CACNA1E: variants seen among roughly 807,000 people sequenced by gnomAD.
CACNA1E encodes the protein calcium voltage-gated channel subunit alpha1 E.
CACNA1E carries 40 observed loss-of-function variants against 259.2 expected under a neutral mutation model. The ratio of observed to expected loss-of-function variants is 0.15; its 90% CI spans 0.12 to 0.20. CACNA1E has a LOEUF of 0.20. Among genes scored for constraint, CACNA1E ranks in the 10% least tolerant of loss-of-function variants. The probability of loss-of-function intolerance (pLI) is 1.00; values close to 1 mark genes in which losing one functional copy is unlikely to be tolerated. For missense variants in CACNA1E, 1,874 were observed against 3,040.1 expected, an observed-to-expected ratio of 0.62 and a Z score of 9.02; for synonymous variants, 1,104 against 1,138.5, an observed-to-expected ratio of 0.97 and a Z score of 0.61.
intron 3 of CACNA1E, among the ~76,000 whole-genome samples, chr1:181,525,044 A>G (rs1667255127): frequency 6.6e-6 from 1 of 152,272 alleles, no homozygotes; most frequent in Admixed American, 6.5e-5. Context: ...GGCTAGAAAG[A>G]TAAATAATAA....
chr1:181,392,409 A>G (rs1656365758), intron 1 of CACNA1E, among the ~76,000 whole-genome samples: 1 of 152,158 alleles, frequency 6.6e-6, no homozygotes, highest in African/African-American at 2.4e-5. Flanking sequence ...CAGAGCTCCT[A>G]AAAGGGTTAA....
In CACNA1E at chr1:181,785,776, G is replaced by T; in HGVS notation, c.5743G>T (p.Ala1915Ser). Residue 1915 changes from alanine to serine, a missense_variant, in exon 43 of 48, where the codon GCC (alanine) becomes TCC (serine). Around this residue, in one of 14 missense-constraint regions of CACNA1E, gnomAD observed 542 missense variants for 587.2 expected, o/e 0.92. Coordinates refer to ENST00000367573, the MANE Select transcript of CACNA1E (RefSeq NM_001205293.3). ...SSLPQEIIAN[A>S]KALPYLQQDP... is the part of the protein sequence containing the mutation. ...TCTGCCTCAGGAGATCATTGCTAAT[G>T]CCAAAGCCCTGCCTTACCTCCAGCA... The T allele has an allele frequency of 6.2e-7, 1 of 1,612,802 alleles. No homozygotes were observed. The highest frequency in any genetic ancestry group is 8.5e-7 in the Non-Finnish European group (1 of 1,179,578).
chr1:181,526,781 A>G (rs1667394265), intron 3 of CACNA1E, among the ~76,000 whole-genome samples: 1 of 152,166 alleles, frequency 6.6e-6, no homozygotes, highest in African/African-American at 2.4e-5. Context: ...CTCATCCTCA[A>G]TTTCCTTACT....
intron 1 of CACNA1E, among the ~76,000 whole-genome samples, chr1:181,355,695 T>C (rs569782307): frequency 1.1e-3 from 160 of 152,328 alleles, no homozygotes; most frequent in Non-Finnish European, 1.9e-3. Flanking sequence ...ATTTTATTGA[T>C]AATTTTAAAA....
At chr1:181,337,926 G>C (rs1053910613) in intron 1 of CACNA1E, among the ~76,000 whole-genome samples, 1 of 152,100 alleles carries the variant, frequency 6.6e-6, no homozygotes, top group African/African-American at 2.4e-5. Context: ...ATTTTTTTGA[G>C]GAACATCCAT....
chr1:181,322,680 C>A (rs1176547963), intron 1 of CACNA1E, among the ~76,000 whole-genome samples: 1 of 152,146 alleles, frequency 6.6e-6, no homozygotes, highest in South Asian at 2.1e-4. Context: ...TAGAATGGGG[C>A]TCCTCCAAGG....
chr1:181,762,521 CTT>C, intron 32 of CACNA1E, 51 bp from the exon 33 acceptor site: 7 of 944,366 alleles, frequency 7.4e-6, no homozygotes, highest in Admixed American at 4.2e-5. Flanking sequence ...GTCTTTTCTC[CTT>C]TTTTTTTTCT....
intron 6 of CACNA1E, among the ~76,000 whole-genome samples, chr1:181,586,056 A>G (rs1031880715): frequency 7.2e-5 from 11 of 152,184 alleles, no homozygotes; most frequent in African/African-American, 2.7e-4. Flanking sequence ...AAAAAAAATG[A>G]TAGAGGCTTG....
intron 3 of CACNA1E, among the ~76,000 whole-genome samples, chr1:181,542,431 ATCTCATCTTGAAT>A (rs1668654784): frequency 6.6e-6 from 1 of 152,126 alleles, no homozygotes; most frequent in South Asian, 2.1e-4. Flanking sequence ...CTCCACCCAA[ATCTCATCTTGAAT>A]TGTAATCTCC....
At chr1:181,578,591 T>C (rs1171929264) in intron 4 of CACNA1E, among the ~76,000 whole-genome samples, 1 of 152,206 alleles carries the variant, frequency 6.6e-6, no homozygotes, top group Non-Finnish European at 1.5e-5. Context: ...CTTATATGTG[T>C]TATGATTTAT....
At chr1:181,766,846 C>T (rs1431243667) in intron 35 of CACNA1E, among the ~76,000 whole-genome samples, 1 of 152,152 alleles carries the variant, frequency 6.6e-6, no homozygotes, top group Non-Finnish European at 1.5e-5. Context: ...CTCAGGTTGT[C>T]AGATCATGGT....
At chr1:181,469,680 G>A (rs144547866) in intron 2 of CACNA1E, among the ~76,000 whole-genome samples, 211 of 152,256 alleles carry the variant, frequency 1.4e-3, no homozygotes, top group African/African-American at 4.9e-3. Flanking sequence ...GCAGACACCG[G>A]GATCTGAGGA....
intron 3 of CACNA1E, among the ~76,000 whole-genome samples, chr1:181,528,013 G>A (rs1667489318): frequency 6.6e-6 from 1 of 151,858 alleles, no homozygotes; most frequent in Non-Finnish European, 1.5e-5. Flanking sequence ...AACTCTTGTG[G>A]TGAAGACCAT....
At chr1:181,721,943 G>A in intron 16 of CACNA1E, 68 bp downstream of exon 16, 2 of 1,000,776 alleles carry the variant, frequency 2.0e-6, no homozygotes, top group South Asian at 1.3e-5. Flanking sequence ...GGAGGCATTG[G>A]TGGTGGTGGT....
At chr1:181,450,079 AG>A (rs1558013713) in intron 2 of CACNA1E, among the ~76,000 whole-genome samples, 2 of 152,208 alleles carry the variant, frequency 1.3e-5, no homozygotes, top group South Asian at 4.1e-4. Context: ...TGGAAAGTGA[AG>A]GAGAAGCCAG....
At chr1:181,714,813 C>A (rs1372520830) in intron 8 of CACNA1E, among the ~76,000 whole-genome samples, 1 of 152,142 alleles carries the variant, frequency 6.6e-6, no homozygotes, top group South Asian at 2.1e-4. Flanking sequence ...ACCCACAAGC[C>A]CCCCTCCTGT....
intron 2 of CACNA1E, among the ~76,000 whole-genome samples, chr1:181,470,267 C>T (rs543437527): frequency 6.6e-6 from 1 of 152,142 alleles, no homozygotes; most frequent in Admixed American, 6.5e-5. Flanking sequence ...CAGCTCACTG[C>T]AGCCTTGAAC....
At chr1:181,616,739 A>C (rs1655253963) in intron 6 of CACNA1E, among the ~76,000 whole-genome samples, 1 of 150,602 alleles carries the variant, frequency 6.6e-6, no homozygotes, top group African/African-American at 2.5e-5. Flanking sequence ...ACAAACAAAC[A>C]AAAAAAAAGG....
intron 28 of CACNA1E, 120 bp downstream of exon 28, chr1:181,755,517 C>CA: frequency 1.3e-6 from 1 of 776,522 alleles, no homozygotes; most frequent in Middle Eastern, 2.9e-4. Flanking sequence ...CTTCTTTCAG[C>CA]AAAAAGACAA....
Sources: gnomAD v4.1 joint callset for allele counts (sites outside exome capture counted in the v4.1 genomes callset) on GRCh38, gnomAD v4.1.1 for gene constraint, gnomAD v4.1.1 regional missense constraint, MANE v1.5 for transcripts, NCBI Gene and HGNC (gene_info 2026-07-23, HGNC 2026-07-21) for gene names.